PIK3R1: variants seen among roughly 807,000 people sequenced by gnomAD.
The protein encoded by PIK3R1 is phosphatidylinositol 3-kinase regulatory subunit alpha.
In PIK3R1, 29 loss-of-function variants were observed where a neutral mutation model predicts 98.0. That is an observed-to-expected ratio of 0.30 (90% CI 0.22 to 0.40). The LOEUF is 0.40. Ranked by LOEUF, PIK3R1 falls within the 10% of genes least tolerant of loss-of-function variation. The pLI is 1.00. For synonymous variants in PIK3R1, 282 were observed against 311.8 expected (o/e 0.90, Z 1.01); for missense variants, 596 against 872.7 (o/e 0.68, Z 3.99).
rs1031591465 is a variant in PIK3R1, at chr5:68,226,316, G to A, written c.-360G>A. Reference sequence around the variant, plus strand: ...TGAAGCTCGTGTGTGGAGTGCCACGGTACAATCAGACGACAGATGGACAGT... The same window carrying A: ...TGAAGCTCGTGTGTGGAGTGCCACGATACAATCAGACGACAGATGGACAGT... On this transcript the variant is annotated 5_prime_UTR_variant, in exon 2 of 16. Transcript: ENST00000521381. 1 of 421,822 alleles carries A rather than the reference G, an allele frequency of 2.4e-6. No individual in the cohort carries two copies. Among genetic ancestry groups the A allele is most frequent in the Non-Finnish European group, 4.2e-6 (1 of 238,764 alleles). The allele number at this position is 421,822 out of a possible 1,614,324, so 26.1% of individuals were successfully genotyped here. A position where few individuals can be genotyped will look rare whatever the true frequency, so the allele number is the denominator to read the frequency against.
At chr5:68,224,297 A>G (rs1257025324) in intron 1 of PIK3R1, among the ~76,000 whole-genome samples, 2 of 152,212 alleles carry the variant, frequency 1.3e-5, no homozygotes, top group African/African-American at 4.8e-5. Flanking sequence ...TTGATTCTGG[A>G]TCTTTCAAAA....
At chr5:68,249,970 T>C (rs1449411164) in intron 2 of PIK3R1, among the ~76,000 whole-genome samples, 1 of 152,182 alleles carries the variant, frequency 6.6e-6, no homozygotes, top group Non-Finnish European at 1.5e-5. Context: ...ATGCCAAGTG[T>C]TGGGCTGGAT....
In PIK3R1 at chr5:68,273,962, A is replaced by G; in HGVS notation, c.451A>G (p.Arg151Gly). 1 of 1,614,044 alleles carries G rather than the reference A, an allele frequency of 6.2e-7. No individual in the cohort carries two copies. The highest frequency in any genetic ancestry group is 1.7e-5 in the Admixed American group (1 of 60,020). Reference sequence around the variant, plus strand: ...AGGTCTGGAATGTTCAACTCTATACAGAACACAGAGCTCCAGCAACCTGGC... The same window carrying G: ...AGGTCTGGAATGTTCAACTCTATACGGAACACAGAGCTCCAGCAACCTGGC... Reference protein sequence around the residue: ...KKGLECSTLYRTQSSSNLAEL... With the variant: ...KKGLECSTLYGTQSSSNLAEL... The change falls in exon 4 of 16, where the codon AGA becomes GGA. Residue 151 changes from arginine to glycine, a missense_variant. Arg to Gly is a moderately radical substitution (Grantham distance 125). Around this residue, in one of 3 missense-constraint regions of PIK3R1, gnomAD observed 352 missense variants for 393.3 expected, o/e 0.90. Coordinates refer to ENST00000521381, the MANE Select transcript of PIK3R1 (RefSeq NM_181523.3).
chr5:68,232,158 C>T (rs978493833), intron 2 of PIK3R1, among the ~76,000 whole-genome samples: 5 of 152,144 alleles, frequency 3.3e-5, no homozygotes, highest in South Asian at 4.1e-4. Flanking sequence ...TTAGCCTAAC[C>T]ACTTAGGGTC....
At chr5:68,223,445 G>A (rs1744167138) in intron 1 of PIK3R1, among the ~76,000 whole-genome samples, 2 of 150,626 alleles carry the variant, frequency 1.3e-5, no homozygotes. Flanking sequence ...TTGAATTAAC[G>A]TCTGCATCAA....
In PIK3R1 at chr5:68,295,329, G is replaced by A. The variant is rs1747649223; in HGVS notation, c.1745+5G>A. On this transcript the variant is annotated splice_donor_5th_base_variant and intron_variant, in intron 13 of 15. Transcript: ENST00000521381. ...GACGAGAGACCAATACTTGATGTAAGTATTTGAAATGGAATCCTATACATG... is the reference window on the plus strand; with the variant it reads ...GACGAGAGACCAATACTTGATGTAAATATTTGAAATGGAATCCTATACATG... 4 of 1,613,782 alleles carry A rather than the reference G, an allele frequency of 2.5e-6. No homozygotes were observed. Among genetic ancestry groups the A allele is most frequent in the Non-Finnish European group, 3.4e-6 (4 of 1,179,660 alleles).
intron 2 of PIK3R1, among the ~76,000 whole-genome samples, chr5:68,261,868 C>T (rs1745766647): frequency 1.3e-5 from 2 of 152,278 alleles, no homozygotes; most frequent in Middle Eastern, 3.4e-3. Context: ...TACAAACTCC[C>T]TCCCGTGGTT....
At position 68,289,724 on chromosome 5, in the gene PIK3R1, C is replaced by A. The variant is rs113541179; in HGVS notation, c.917-2535C>A. On this transcript the variant is annotated intron_variant, in intron 7 of 15. Transcript: ENST00000521381. ...AGTAGTGCTAAGAAGGAATATTTGT[C>A]CCGGAGTGAGGCATTTGAGATAGAG... Among the ~76,000 whole-genome samples the A allele has an allele frequency of 5.4e-5, 7 of 130,110 alleles. No individual in the cohort carries two copies. The East Asian group carries it at 1.7e-3, about 31-fold the overall frequency. The allele number at this position is 130,110 out of a possible 152,430, so 85.4% of individuals were successfully genotyped here.
At chr5:68,281,587 C>T (rs1238109628) in intron 7 of PIK3R1, among the ~76,000 whole-genome samples, 1 of 152,130 alleles carries the variant, frequency 6.6e-6, no homozygotes, top group Non-Finnish European at 1.5e-5. Context: ...TTAATTTAAA[C>T]TGATGTATTT....
At chr5:68,279,493 TTA>T (rs1746727805) in intron 4 of PIK3R1, 107 bp from the exon 5 acceptor site, 5 of 800,978 alleles carry the variant, frequency 6.2e-6, no homozygotes, top group Non-Finnish European at 5.7e-6. Flanking sequence ...TATTGCTTCC[TTA>T]TTTTTTTTTT....
At chr5:68,245,110 A>G (rs1016585210) in intron 2 of PIK3R1, among the ~76,000 whole-genome samples, 8 of 152,244 alleles carry the variant, frequency 5.3e-5, no homozygotes, top group Non-Finnish European at 1.5e-5. Flanking sequence ...GGAAAAGAAT[A>G]CAGTATAGAA....
At chr5:68,297,391 T>G in intron 15 of PIK3R1, 21 bp from the exon 16 acceptor site, 1 of 1,593,820 alleles carries the variant, frequency 6.3e-7, no homozygotes, top group Non-Finnish European at 8.6e-7. Context: ...CAAAAGACAG[T>G]TTTTCTTCTC....
chr5:68,273,454 C>G lies in PIK3R1; in HGVS notation c.399C>G (p.Ile133Met), dbSNP rs752552706. ...APPDIAPPLLIKLVEAIEKKG... is the reference protein window; with the variant it reads ...APPDIAPPLLMKLVEAIEKKG... ...CTGACATTGCCCCGCCTCTTCTTAT[C>G]AAGCTCGTGGAAGCCATTGAAAAGA... The change falls in exon 3 of 16, where the codon ATC becomes ATG. Residue 133 changes from isoleucine (I) to methionine (M), a missense_variant. By Grantham distance (10) the Ile-to-Met change is conservative. Around this residue, in one of 3 missense-constraint regions of PIK3R1, gnomAD observed 352 missense variants for 393.3 expected, o/e 0.90. Transcript: ENST00000521381. The G allele has an allele frequency of 3.3e-5, 54 of 1,613,930 alleles. No homozygotes were observed. Among genetic ancestry groups the G allele is most frequent in the Non-Finnish European group, 4.4e-5 (52 of 1,179,962 alleles).
chr5:68,273,236 C>T (rs1746435848), intron 2 of PIK3R1, among the ~76,000 whole-genome samples, 154 bp from the exon 3 acceptor site: 1 of 152,162 alleles, frequency 6.6e-6, no homozygotes, highest in Admixed American at 6.5e-5. Flanking sequence ...AAGCAGTGGG[C>T]ATATCACTTT....
At position 68,273,390 on chromosome 5, in the gene PIK3R1, C is replaced by T; in HGVS notation, c.335C>T (p.Ala112Val). 1 of 1,613,866 alleles carries T rather than the reference C, an allele frequency of 6.2e-7. No homozygotes were observed. The highest frequency in any genetic ancestry group is 1.7e-5 in the Admixed American group (1 of 60,008). ...SKTEADVEQQ[A>V]LTLPDLAEQF... ...AATGGTGGGATTTTGTTGTTTGCAG[C>T]TTTGACTCTCCCGGATCTTGCAGAG... The change falls in exon 3 of 16, where the codon GCT becomes GTT. Residue 112 changes from alanine to valine, a missense_variant and splice_region_variant. Transcript: ENST00000521381.
intron 2 of PIK3R1, among the ~76,000 whole-genome samples, chr5:68,232,878 A>G (rs904474335): frequency 1.2e-4 from 18 of 152,306 alleles, no homozygotes; most frequent in African/African-American, 4.1e-4. Flanking sequence ...TAGAGGGAGC[A>G]TATTTTGTTT....
In PIK3R1 at chr5:68,273,456, A is replaced by G; in HGVS notation, c.401A>G (p.Lys134Arg). ...GACATTGCCCCGCCTCTTCTTATCA[A>G]GCTCGTGGAAGCCATTGAAAAGAAA... ...PPDIAPPLLI[K>R]LVEAIEKKGL... is the part of the protein sequence containing the mutation. The change falls in exon 3 of 16, where the codon AAG becomes AGG. Residue 134 changes from lysine (K) to arginine (R), a missense_variant. Physicochemically the swap from Lys to Arg is conservative, Grantham distance 26. Transcript: ENST00000521381. 6.2e-7 allele frequency: 1 copy of G among 1,614,024 alleles called. No individual in the cohort carries two copies. Among genetic ancestry groups the G allele is most frequent in the Non-Finnish European group, 8.5e-7 (1 of 1,179,948 alleles).
intron 2 of PIK3R1, among the ~76,000 whole-genome samples, chr5:68,245,079 G>A (rs1745031426): frequency 6.6e-6 from 1 of 152,182 alleles, no homozygotes; most frequent in Non-Finnish European, 1.5e-5. Flanking sequence ...ACTTCAAAAG[G>A]ACGAAATAGA....
At chr5:68,271,642 C>A (rs1399800723) in intron 2 of PIK3R1, among the ~76,000 whole-genome samples, 1 of 152,212 alleles carries the variant, frequency 6.6e-6, no homozygotes, top group Non-Finnish European at 1.5e-5. Context: ...ACCGCTGTGG[C>A]TAGTCATTGC....
Sources: allele counts gnomAD v4.1 joint callset (sites outside exome capture counted in the v4.1 genomes callset), GRCh38; gene constraint gnomAD v4.1.1; regional missense constraint gnomAD v4.1.1; transcripts MANE v1.5; gene names NCBI Gene and HGNC (gene_info 2026-07-23, HGNC 2026-07-21).